The following ZNF273 variants were observed in gnomAD, a reference collection of about 807,000 sequenced individuals.
ZNF273 encodes zinc finger protein 273, also known as zinc finger protein 9.
In ZNF273, 11 loss-of-function variants were observed where a neutral mutation model predicts 14.9. The ratio of observed to expected loss-of-function variants is 0.74; its 90% CI spans 0.46 to 1.22. The LOEUF is 1.22. ZNF273 is among the 50% of genes most tolerant of loss of function. ZNF273 has a pLI of 0.00. For synonymous variants in ZNF273, 199 were observed against 223.9 expected, an observed-to-expected ratio of 0.89 and a Z score of 0.99; for missense variants, 577 against 660.6, an observed-to-expected ratio of 0.87 and a Z score of 1.39.
rs758486409 is a variant in ZNF273 at position 64,918,179 on chromosome 7, T to C, written c.230-18T>C. ...AGAATATGAGCAAGATTCATGTTAC[T>C]CATTTTTAATAAAACAGGTATTGCT... On this transcript the variant is annotated intron_variant, in intron 2 of 3. Transcript: ENST00000476120. The C allele has an allele frequency of 6.5e-7, 1 of 1,546,826 alleles. No individual in the cohort carries two copies. The highest frequency in any genetic ancestry group is 1.7e-5 in the Admixed American group (1 of 57,858).
chr7:64,889,025 C>G (rs1791790145), downstream of ZNF273: 2 of 985,870 alleles, frequency 2.0e-6, no homozygotes, highest in Admixed American at 6.1e-5. The surrounding 1 kb of genome is among the most constrained non-coding windows in gnomAD (Gnocchi z 4.2). Context: ...TACAAGGAAC[C>G]GAGTGTCCAC....
intron 3 of ZNF273, among the ~76,000 whole-genome samples, chr7:64,919,361 G>T (rs1794266014): frequency 1.3e-5 from 2 of 151,962 alleles, no homozygotes; most frequent in African/African-American, 4.8e-5. Context: ...AGATTTTTTA[G>T]GCTGGGTATG....
rs142902567 is a variant in ZNF273 at position 64,928,054 on chromosome 7, C to T, written c.726C>T (p.Ala242=). ...NFYKCKTCGK[A]FNQFSNLTKH... The stretch of plus-strand genomic sequence containing the variant: ...ACAAATGTAAGACATGTGGAAAAGC[C>T]TTTAACCAGTTCTCAAATCTTACTA... The change falls in exon 4 of 4, where the codon GCC becomes GCT. Residue 242 remains alanine (A), a synonymous_variant. Coordinates refer to ENST00000476120, the MANE Select transcript of ZNF273 (RefSeq NM_021148.3). The T allele has an allele frequency of 1.1e-5, 18 of 1,613,776 alleles. No individual in the cohort carries two copies. The highest frequency in any genetic ancestry group is 6.7e-5 in the African/African-American group (5 of 74,906).
chr7:64,888,818 C>T (rs1266087214), exon 2 of ZNF273: 1 of 985,750 alleles, frequency 1.0e-6, no homozygotes, highest in Non-Finnish European at 1.2e-6. Flanking sequence ...AGGCCACTTT[C>T]TGGAAAGAAG....
At chr7:64,911,121 T>G (rs2129066896) in intron 1 of ZNF273, among the ~76,000 whole-genome samples, 1 of 152,114 alleles carries the variant, frequency 6.6e-6, no homozygotes, top group East Asian at 1.9e-4. Context: ...ACATGAAGTA[T>G]GTTAAATTTT....
chr7:64,933,864 CATTTT>C (rs1159499421), downstream of ZNF273, among the ~76,000 whole-genome samples: 2 of 152,100 alleles, frequency 1.3e-5, no homozygotes, highest in Non-Finnish European at 2.9e-5. Context: ...ACATAGTTAA[CATTTT>C]ATGGTGAGAG....
chr7:64,936,782 A>G, the ZNF273 span, among the ~76,000 whole-genome samples: 4 of 152,230 alleles, frequency 2.6e-5, no homozygotes, highest in African/African-American at 7.2e-5. Flanking sequence ...TGCTACTCAA[A>G]TGAGTGCTCT....
intron 1 of ZNF273, among the ~76,000 whole-genome samples, chr7:64,914,655 C>T (rs1793824585): frequency 6.6e-6 from 1 of 152,058 alleles, no homozygotes. Flanking sequence ...AGGGAGGGCA[C>T]CTGAGGATAG....
At chr7:64,904,247 C>T (rs1792934177) in intron 1 of ZNF273, among the ~76,000 whole-genome samples, 1 of 152,184 alleles carries the variant, frequency 6.6e-6, no homozygotes, top group Non-Finnish European at 1.5e-5. Flanking sequence ...CGCCGCCACG[C>T]CCAGCTAACT....
chr7:64,889,678 C>T, downstream of ZNF273: 5 of 985,916 alleles, frequency 5.1e-6, no homozygotes, highest in Non-Finnish European at 6.0e-6. This position sits in a 1 kb window ranked among gnomAD's most constrained non-coding sequence, Gnocchi z 4.2. Flanking sequence ...CGCCCTGGGG[C>T]CCCTCCGCCC....
intron 1 of ZNF273, among the ~76,000 whole-genome samples, chr7:64,914,182 A>ATTTT (rs375695781): frequency 1.4e-5 from 1 of 70,890 alleles, no homozygotes; most frequent in African/African-American, 6.6e-5. Flanking sequence ...TAATTTTTGT[A>ATTTT]TTTTTTTTTT....
downstream of ZNF273, chr7:64,893,944 A>T (rs1792207975): frequency 6.6e-6 from 1 of 152,082 alleles, no homozygotes; most frequent in South Asian, 2.1e-4. Flanking sequence ...CATGTTTTTA[A>T]TCTAAACTGT....
intron 1 of ZNF273, among the ~76,000 whole-genome samples, chr7:64,885,909 A>T (rs1583955923): frequency 6.6e-6 from 1 of 152,290 alleles, no homozygotes; most frequent in East Asian, 1.9e-4. Context: ...GGTTTTCATT[A>T]CTCAAATTCT....
downstream of ZNF273, among the ~76,000 whole-genome samples, chr7:64,884,563 G>A (rs1442985907): frequency 6.6e-6 from 1 of 152,034 alleles, no homozygotes; most frequent in Admixed American, 6.6e-5. Flanking sequence ...CCAGACAGCC[G>A]CGCTGAGAAG....
At chr7:64,933,679 C>A (rs917204094), downstream of ZNF273, 13 of 152,158 alleles carry the variant, frequency 8.5e-5, no homozygotes, top group African/African-American at 2.9e-4. Context: ...ATTTTTGATA[C>A]TATTCAGCCA....
downstream of ZNF273, chr7:64,889,668 C>T (rs1791848964): frequency 1.0e-6 from 1 of 985,910 alleles, no homozygotes; most frequent in Non-Finnish European, 1.2e-6. The surrounding 1 kb of genome is among the most constrained non-coding windows in gnomAD (Gnocchi z 4.2). Flanking sequence ...CTGGAACCGT[C>T]GCCCTGGGGC....
At chr7:64,886,025 G>A (rs1254934665) in intron 1 of ZNF273, among the ~76,000 whole-genome samples, 1 of 146,430 alleles carries the variant, frequency 6.8e-6, no homozygotes, top group African/African-American at 2.5e-5. Context: ...TACCAGAAAG[G>A]TAGCTACTGT....
Position 64,928,737 on chromosome 7 carries a change from T to C in ZNF273, c.1409T>C (p.Phe470Ser). 1 of 1,610,078 alleles carries C rather than the reference T, an allele frequency of 6.2e-7. No individual in the cohort carries two copies. Among genetic ancestry groups the C allele is most frequent in the African/African-American group, 1.3e-5 (1 of 74,466 alleles). Residue 470 changes from phenylalanine (F) to serine (S), a missense_variant, in exon 4 of 4, where the codon TTC (phenylalanine) becomes TCC (serine). Around this residue, in one of 3 missense-constraint regions of ZNF273, gnomAD observed 411 missense variants for 440.4 expected, o/e 0.93. Transcript: ENST00000476120. ...CEECGSAFRA[F>S]STLTEHKRVH... ...GAATGTGGCAGTGCCTTTAGGGCAT[T>C]CTCAACCCTTACTGAACATAAGAGA...
downstream of ZNF273, among the ~76,000 whole-genome samples, chr7:64,892,445 T>C (rs62455115): frequency 0.039 from 5,929 of 152,270 alleles, 181 homozygotes; most frequent in East Asian, 0.15. Context: ...TCCATGACCT[T>C]GGATGGGCAT....
Sources: allele counts gnomAD v4.1 joint callset (sites outside exome capture counted in the v4.1 genomes callset), GRCh38; gene constraint gnomAD v4.1.1; regional missense constraint gnomAD v4.1.1; non-coding constraint Gnocchi (gnomAD v3.1); transcripts MANE v1.5; gene names NCBI Gene and HGNC (gene_info 2026-07-23, HGNC 2026-07-21).